The following COL5A2 variants were observed in gnomAD, a reference collection of about 807,000 sequenced individuals.
COL5A2 encodes collagen type V alpha 2 chain.
In COL5A2, 23 loss-of-function variants were observed where a neutral mutation model predicts 208.2. The ratio of observed to expected loss-of-function variants is 0.11; its 90% CI spans 0.08 to 0.16. COL5A2 has a LOEUF of 0.16. Ranked by LOEUF, COL5A2 falls within the 10% of genes least tolerant of loss-of-function variation. COL5A2 has a pLI of 1.00. For missense variants in COL5A2, 1,590 were observed against 1,956.4 expected (o/e 0.81, Z 3.53); for synonymous variants, 625 against 628.5 (o/e 0.99, Z 0.08).
the COL5A2 span, among the ~76,000 whole-genome samples, chr2:189,280,767 T>A: frequency 1.3e-5 from 2 of 152,078 alleles, no homozygotes; most frequent in Admixed American, 1.3e-4. Flanking sequence ...CTTCTACACA[T>A]CTTAGGGATA....
chr2:189,223,353 T>A (rs1689371241), intron 1 of COL5A2, among the ~76,000 whole-genome samples: 1 of 152,170 alleles, frequency 6.6e-6, no homozygotes, highest in Non-Finnish European at 1.5e-5. Flanking sequence ...GCCTAATCCA[T>A]ATCCACTTCC....
the COL5A2 span, among the ~76,000 whole-genome samples, chr2:189,288,940 A>C: frequency 6.6e-6 from 1 of 152,226 alleles, no homozygotes; most frequent in Admixed American, 6.5e-5. Flanking sequence ...CATTAACATA[A>C]TGAATGACTA....
At chr2:189,269,582 T>G in the COL5A2 span, among the ~76,000 whole-genome samples, 1 of 152,144 alleles carries the variant, frequency 6.6e-6, no homozygotes, top group Admixed American at 6.6e-5. Context: ...ATCCCAGGAA[T>G]GAAGTGACTT....
intron 34 of COL5A2, 105 bp downstream of exon 34, chr2:189,057,215 G>A (rs1228323152): frequency 2.0e-6 from 2 of 991,854 alleles, no homozygotes; most frequent in Non-Finnish European, 3.0e-6. Flanking sequence ...AATGACTAGT[G>A]ACTCAGGATG....
the COL5A2 span, among the ~76,000 whole-genome samples, chr2:189,352,002 C>G: frequency 2.6e-4 from 40 of 151,876 alleles, no homozygotes; most frequent in Non-Finnish European, 1.0e-4. Context: ...CTCCCCGCCC[C>G]CTGTGATCTC....
rs150917860 is a variant in COL5A2, at chr2:189,086,429, A to G, written c.690+297T>C. On this transcript the variant is annotated intron_variant, in intron 9 of 53. Transcript: ENST00000374866. The stretch of plus-strand genomic sequence containing the variant: ...AGTTGGCATATAACCAATTGTGAAC[A>G]TTTTCATGACATAACATAATGAATT... 7.1e-3 allele frequency among the ~76,000 whole-genome samples: 1,077 copies of G among 152,298 alleles called. 13 individuals carry two copies. Among genetic ancestry groups the G allele is most frequent in the African/African-American group, 0.024 (994 of 41,552 alleles).
chr2:189,232,516 G>A, the COL5A2 span, among the ~76,000 whole-genome samples: 2 of 151,682 alleles, frequency 1.3e-5, no homozygotes, highest in Admixed American at 6.6e-5. Context: ...TGAGCTGGTT[G>A]AGGCAGATTA....
rs1476529310 is a variant in COL5A2 at position 189,043,563 on chromosome 2, C to CG, written c.3364-306_3364-305insC. ...GATATTTTTGTTTGATCTAGCCTAT[C>CG]TGAAATGTTTTTTAAAGATTATGCT... On this transcript the variant is annotated intron_variant, in intron 47 of 53. Transcript: ENST00000374866. Among the ~76,000 whole-genome samples, 179 of 152,100 alleles carry CG rather than the reference C, an allele frequency of 1.2e-3. 1 individual carries two copies. The highest frequency in any genetic ancestry group is 4.2e-3 in the African/African-American group (175 of 41,504).
intron 1 of COL5A2, among the ~76,000 whole-genome samples, chr2:189,204,747 T>A (rs147501343): frequency 6.6e-6 from 1 of 152,160 alleles, no homozygotes; most frequent in Non-Finnish European, 1.5e-5. Context: ...GCCTGGAGGA[T>A]TGTAGTGGGA....
intron 1 of COL5A2, among the ~76,000 whole-genome samples, chr2:189,131,267 T>C (rs1195794488): frequency 1.3e-5 from 2 of 152,184 alleles, no homozygotes; most frequent in East Asian, 3.8e-4. Flanking sequence ...TTACCGGAAA[T>C]AACTTTGACA....
the COL5A2 span, among the ~76,000 whole-genome samples, chr2:189,353,299 A>G: frequency 1.3e-5 from 2 of 152,208 alleles, no homozygotes; most frequent in Non-Finnish European, 1.5e-5. Flanking sequence ...TATGAAATTT[A>G]AAGTAATTTT....
chr2:189,188,689 G>A (rs997486984), intron 1 of COL5A2, among the ~76,000 whole-genome samples: 4 of 152,144 alleles, frequency 2.6e-5, no homozygotes, highest in South Asian at 2.1e-4. Context: ...AAATGAGTGT[G>A]CTATGCTCCA....
the COL5A2 span, among the ~76,000 whole-genome samples, chr2:189,361,544 G>GT: frequency 0.85 from 127,405 of 149,610 alleles, 55,387 homozygotes; most frequent in Non-Finnish European, 0.95. Flanking sequence ...GTTGGGTCTT[G>GT]TTTTTTTTTA....
chr2:189,042,822 A>C (rs1685587956), intron 48 of COL5A2, 49 bp from the exon 49 acceptor site: 10 of 1,536,562 alleles, frequency 6.5e-6, no homozygotes, highest in Non-Finnish European at 8.9e-6. Context: ...TGGATCCTGC[A>C]TTGTGCCATT....
chr2:189,104,769 T>C (rs1687118414), intron 2 of COL5A2, among the ~76,000 whole-genome samples: 1 of 151,826 alleles, frequency 6.6e-6, no homozygotes, highest in Non-Finnish European at 1.5e-5. Flanking sequence ...CGTATGTTGT[T>C]CTCAAGTTTA....
chr2:189,247,441 G>A, the COL5A2 span, among the ~76,000 whole-genome samples: 15 of 151,944 alleles, frequency 9.9e-5, no homozygotes, highest in Non-Finnish European at 1.2e-4. Context: ...ATTTGAGTCC[G>A]AAAAGTTCCA....
the COL5A2 span, among the ~76,000 whole-genome samples, chr2:189,242,798 A>G: frequency 6.6e-6 from 1 of 152,350 alleles, no homozygotes; most frequent in Non-Finnish European, 1.5e-5. Flanking sequence ...ATAAGGAAAG[A>G]GTCTTTGAAA....
rs369394572 is a variant in COL5A2, at chr2:189,179,561, A to G, written c.44T>C (p.Ile15Thr). 3.1e-6 allele frequency: 5 copies of G among 1,610,682 alleles called. No homozygotes were observed. In the African/African-American group the frequency reaches 4.0e-5, roughly 13 times the overall value. The change falls in exon 1 of 54, where the codon ATT becomes ACT. Residue 15 changes from isoleucine to threonine, a missense_variant. Transcript: ENST00000374866. Reference sequence around the variant, plus strand: ...TGAGACAAATTGCCCTAATAAAACAATAAGAATGAGGAGAGGTCTTGCTTC... The same window carrying G: ...TGAGACAAATTGCCCTAATAAAACAGTAAGAATGAGGAGAGGTCTTGCTTC... ...WAEARPLLIL[I>T]VLLGQFVSIK...
At chr2:189,358,744 T>C in the COL5A2 span, among the ~76,000 whole-genome samples, 1 of 152,228 alleles carries the variant, frequency 6.6e-6, no homozygotes, top group African/African-American at 2.4e-5. Context: ...CGTCTTCTCT[T>C]CAATTTCTTT....
Sources: gnomAD v4.1 joint callset for allele counts (sites outside exome capture counted in the v4.1 genomes callset) on GRCh38, gnomAD v4.1.1 for gene constraint, MANE v1.5 for transcripts, NCBI Gene and HGNC (gene_info 2026-07-23, HGNC 2026-07-21) for gene names.